Variants in SUGCT observed in about 807,000 individuals in gnomAD.
The protein encoded by SUGCT is succinyl-CoA:glutarate-CoA transferase, also known as succinyl-CoA:glutarate CoA-transferase.
A neutral mutation model predicts 55.0 loss-of-function variants in SUGCT; 41 were observed. The observed-to-expected ratio is 0.74, with a 90% confidence interval of 0.58 to 0.97. The LOEUF is 0.97. Ranked by LOEUF, SUGCT falls within the 50% of genes least tolerant of loss-of-function variation. The pLI, the probability that SUGCT is intolerant of heterozygous loss-of-function variation, is 0.00. For synonymous variants in SUGCT, 187 were observed against 200.4 expected (o/e 0.93, Z 0.56); for missense variants, 568 against 547.8 (o/e 1.04, Z -0.37).
At chr7:40,674,963 C>A (rs1470158821) in intron 12 of SUGCT, among the ~76,000 whole-genome samples, 1 of 151,346 alleles carries the variant, frequency 6.6e-6, no homozygotes, top group Non-Finnish European at 1.5e-5. Context: ...GGAGTAAGAT[C>A]ATTAAGAATA....
intron 12 of SUGCT, among the ~76,000 whole-genome samples, chr7:40,583,204 A>T (rs1408257898): frequency 1.3e-5 from 2 of 152,212 alleles, no homozygotes; most frequent in Non-Finnish European, 2.9e-5. Context: ...AAACTCAAGT[A>T]AAGAGCAAAG....
intron 12 of SUGCT, among the ~76,000 whole-genome samples, chr7:40,520,307 T>C (rs1023692690): frequency 5.9e-5 from 9 of 152,086 alleles, no homozygotes; most frequent in Non-Finnish European, 1.2e-4. Flanking sequence ...TTAAATAAAT[T>C]CTGGTGTCTA....
At chr7:40,580,067 A>G (rs1415073928) in intron 12 of SUGCT, among the ~76,000 whole-genome samples, 2 of 152,126 alleles carry the variant, frequency 1.3e-5, no homozygotes, top group Admixed American at 6.5e-5. Context: ...TAGTTTTATT[A>G]TGTCTCTAAT....
At chr7:40,716,614 A>G (rs1786039578) in intron 12 of SUGCT, among the ~76,000 whole-genome samples, 1 of 152,192 alleles carries the variant, frequency 6.6e-6, no homozygotes, top group Non-Finnish European at 1.5e-5. Flanking sequence ...TTGTGAAAAG[A>G]GTAATTTTTG....
intron 13 of SUGCT, among the ~76,000 whole-genome samples, chr7:40,858,059 C>CA (rs982572292): frequency 2.0e-4 from 30 of 152,256 alleles, no homozygotes; most frequent in African/African-American, 7.2e-4. Context: ...CCATTTCCTT[C>CA]AATGTCCTAA....
At chr7:40,941,324 T>C in the SUGCT span, among the ~76,000 whole-genome samples, 3 of 152,050 alleles carry the variant, frequency 2.0e-5, no homozygotes, top group Non-Finnish European at 4.4e-5. Context: ...CTTGATTTCA[T>C]TGTCAACCCC....
intron 7 of SUGCT, among the ~76,000 whole-genome samples, chr7:40,274,073 CT>C (rs386409972): frequency 1.7e-3 from 118 of 68,010 alleles, no homozygotes; most frequent in African/African-American, 6.0e-3. Context: ...TTTTTACCTT[CT>C]TTTTTTTTTT....
intron 7 of SUGCT, among the ~76,000 whole-genome samples, chr7:40,256,300 CT>C (rs1365492352): frequency 1.3e-5 from 2 of 152,118 alleles, no homozygotes; most frequent in Admixed American, 6.5e-5. Context: ...TTTTCAGTTC[CT>C]TATGGCTAAG....
At chr7:40,157,282 G>C (rs78889884) in intron 1 of SUGCT, among the ~76,000 whole-genome samples, 5,686 of 152,136 alleles carry the variant, frequency 0.037, 342 homozygotes, top group African/African-American at 0.13. Context: ...GCTTACCATA[G>C]GTAGATTGCT....
At chr7:40,883,263 G>T in the SUGCT span, among the ~76,000 whole-genome samples, 1 of 152,186 alleles carries the variant, frequency 6.6e-6, no homozygotes, top group African/African-American at 2.4e-5. Flanking sequence ...CTTGCCTCTG[G>T]TGATTTGGGA....
intron 1 of SUGCT, chr7:40,153,731 C>G (rs1788706111): frequency 2.1e-6 from 1 of 470,576 alleles, no homozygotes. Flanking sequence ...AATAGAGCAG[C>G]AAACAACATC....
chr7:40,928,674 A>G, the SUGCT span, among the ~76,000 whole-genome samples: 1 of 149,838 alleles, frequency 6.7e-6, no homozygotes, highest in Non-Finnish European at 1.5e-5. Flanking sequence ...ATCTCGGCTC[A>G]CTACAACCTC....
intron 6 of SUGCT, among the ~76,000 whole-genome samples, chr7:40,198,067 T>A (rs1424925474): frequency 6.6e-6 from 1 of 152,232 alleles, no homozygotes; most frequent in Non-Finnish European, 1.5e-5. Context: ...TTCTATCATG[T>A]GCTTTTTAGT....
chr7:40,303,852 A>G (rs1794685793), intron 8 of SUGCT, among the ~76,000 whole-genome samples: 1 of 151,986 alleles, frequency 6.6e-6, no homozygotes, highest in South Asian at 2.1e-4. Flanking sequence ...TCCTAGCACT[A>G]TGGGAGGCTG....
chr7:40,364,202 G>T (rs1482436438), intron 9 of SUGCT, among the ~76,000 whole-genome samples: 1 of 152,102 alleles, frequency 6.6e-6, no homozygotes, highest in Non-Finnish European at 1.5e-5. Flanking sequence ...TTGAGCCTAT[G>T]TGTGTCTCTG....
intron 12 of SUGCT, among the ~76,000 whole-genome samples, chr7:40,621,791 C>T (rs1025206170): frequency 2.0e-5 from 3 of 152,178 alleles, no homozygotes; most frequent in Non-Finnish European, 4.4e-5. Flanking sequence ...CATTTTTCAT[C>T]TTATATCTAC....
rs535641630 is a variant in SUGCT at position 40,246,702 on chromosome 7, T to A, written c.576+8976T>A. 1.2e-3 allele frequency among the ~76,000 whole-genome samples: 184 copies of A among 152,056 alleles called. No homozygotes were observed. In the Middle Eastern group the frequency reaches 0.017, roughly 14 times the overall value. ...ACCTCTGCCTCCAAGGTTCAAGCGA[T>A]TCTCGTGCCTCAGCCTCCCAAGTAG... On this transcript the variant is annotated intron_variant, in intron 7 of 13. Transcript: ENST00000335693.
chr7:40,440,110 A>G (rs2151407876), intron 9 of SUGCT, among the ~76,000 whole-genome samples: 1 of 148,836 alleles, frequency 6.7e-6, no homozygotes, highest in Non-Finnish European at 1.5e-5. Context: ...ATAGATAATA[A>G]GCAAATGAGT....
At chr7:40,404,660 C>T (rs1029702463) in intron 9 of SUGCT, among the ~76,000 whole-genome samples, 6 of 152,136 alleles carry the variant, frequency 3.9e-5, no homozygotes, top group African/African-American at 1.4e-4. Flanking sequence ...TGGTCTCGAA[C>T]CCCTGACCTC....
Sources: allele counts gnomAD v4.1 joint callset (sites outside exome capture counted in the v4.1 genomes callset), GRCh38; gene constraint gnomAD v4.1.1; transcripts MANE v1.5; gene names NCBI Gene and HGNC (gene_info 2026-07-23, HGNC 2026-07-21).